The following PCDHGA6 variants were observed in gnomAD, a reference collection of about 807,000 sequenced individuals.
PCDHGA6 encodes protocadherin gamma subfamily A, 6.
Under a neutral mutation model 60.6 loss-of-function variants are expected in PCDHGA6, and 41 were observed. The observed-to-expected ratio is 0.68, with a 90% confidence interval of 0.53 to 0.88. The LOEUF (loss-of-function observed/expected upper bound fraction) is 0.88, where lower values mean the gene tolerates loss of function less well. Ranked by LOEUF, PCDHGA6 falls within the 40% of genes least tolerant of loss-of-function variation. The probability of loss-of-function intolerance (pLI) is 0.00; values close to 1 mark genes in which losing one functional copy is unlikely to be tolerated. For missense variants in PCDHGA6, 1,312 were observed against 1,203.0 expected, an observed-to-expected ratio of 1.09 and a Z score of -1.34; for synonymous variants, 594 against 524.4, an observed-to-expected ratio of 1.13 and a Z score of -1.81.
At chr5:141,455,186 C>T (rs1436215310) in intron 1 of PCDHGA6, among the ~76,000 whole-genome samples, 3 of 151,542 alleles carry the variant, frequency 2.0e-5, no homozygotes, top group Non-Finnish European at 2.9e-5. Context: ...TTTTATTTCT[C>T]TACAAATTTA....
chr5:141,494,712 C>T, intron 1 of PCDHGA6, 95 bp from the exon 2 acceptor site: 1 of 1,603,048 alleles, frequency 6.2e-7, no homozygotes, highest in Non-Finnish European at 8.5e-7. Context: ...TCTGTGCCCA[C>T]TCCCCTCCTT....
Position 141,477,876 on chromosome 5 carries a change from G to A in PCDHGA6, c.2425-16931G>A, listed in dbSNP as rs1412801533. The A allele has an allele frequency of 4.3e-6, 7 of 1,614,144 alleles. No individual in the cohort carries two copies. Among genetic ancestry groups the A allele is most frequent in the Non-Finnish European group, 5.9e-6 (7 of 1,180,030 alleles). ...ATGCTGCCTCGAGGTACCTCAGCTG[G>A]CCACCTAGTGTCACGGGTGGTAGGC... On this transcript the variant is annotated intron_variant, in intron 1 of 3. Coordinates refer to ENST00000517434, the MANE Select transcript of PCDHGA6 (RefSeq NM_018919.3). The surrounding 1 kb of genome is among the most constrained non-coding windows in gnomAD (Gnocchi z 4.9).
In PCDHGA6 at chr5:141,482,843, G is replaced by T. The variant is rs1005014887; in HGVS notation, c.2425-11964G>T. On this transcript the variant is annotated intron_variant, in intron 1 of 3. Transcript: ENST00000517434. ...TCCTAGCACTTTGGGAGGCCAAGGT[G>T]GGCAGATCACTTGAGGTCAGGAGTT... Among the ~76,000 whole-genome samples the T allele has an allele frequency of 4.3e-5, 6 of 140,152 alleles. No homozygotes were observed. The South Asian group carries it at 8.6e-4, about 20-fold the overall frequency. 91.9% of individuals were successfully genotyped at this position (140,152 alleles called of 152,430 possible).
rs757065593 is a variant in PCDHGA6, at chr5:141,418,576, C to G, written c.2424+42069C>G. 1.5e-5 allele frequency: 25 copies of G among 1,614,012 alleles called. No homozygotes were observed. In the South Asian group the frequency reaches 2.7e-4, roughly 18 times the overall value. On this transcript the variant is annotated intron_variant, in intron 1 of 3. Transcript: ENST00000517434. ...TGGTAATAGATGCCAATGACAACCCCCCAGTGTTCAGCCAGGACGTGTACA... is the reference window on the plus strand; with the variant it reads ...TGGTAATAGATGCCAATGACAACCCGCCAGTGTTCAGCCAGGACGTGTACA...
At chr5:141,426,015 T>G (rs1168777347) in intron 1 of PCDHGA6, among the ~76,000 whole-genome samples, 3 of 152,200 alleles carry the variant, frequency 2.0e-5, no homozygotes, top group African/African-American at 7.2e-5. Flanking sequence ...GGCTGCAGTT[T>G]TCTAAATAGA....
At position 141,418,763 on chromosome 5, in the gene PCDHGA6, C is replaced by G. The variant is rs914122527; in HGVS notation, c.2424+42256C>G. The stretch of plus-strand genomic sequence containing the variant: ...TCTGGATTACACTACAGGAAACATT[C>G]TAACTCAGCAGCCTTTGGATTTTGA... On this transcript the variant is annotated intron_variant, in intron 1 of 3. Coordinates refer to ENST00000517434, the MANE Select transcript of PCDHGA6 (RefSeq NM_018919.3). 5 of 1,613,728 alleles carry G rather than the reference C, an allele frequency of 3.1e-6. No homozygotes were observed. The Admixed American group carries it at 5.0e-5, about 16-fold the overall frequency.
At chr5:141,419,017 A>G (rs1478763916) in intron 1 of PCDHGA6, 4 of 1,613,928 alleles carry the variant, frequency 2.5e-6, no homozygotes, top group Non-Finnish European at 3.4e-6. Flanking sequence ...GGTGTAGCTT[A>G]AGTAGAGGTG....
chr5:141,485,561 G>A lies in PCDHGA6; in HGVS notation c.2425-9246G>A. 1.9e-6 allele frequency: 3 copies of A among 1,613,008 alleles called. No homozygotes were observed. The highest frequency in any genetic ancestry group is 1.1e-5 in the South Asian group (1 of 91,026). ...AGAGATCGTAGATGTGAATGATCACGCCCCCCGTTTTCCGCGGCAGCAGCT... is the reference window on the plus strand; with the variant it reads ...AGAGATCGTAGATGTGAATGATCACACCCCCCGTTTTCCGCGGCAGCAGCT... On this transcript the variant is annotated intron_variant, in intron 1 of 3. Transcript: ENST00000517434. The surrounding 1 kb of genome is among the most constrained non-coding windows in gnomAD (Gnocchi z 5.7).
intron 1 of PCDHGA6, among the ~76,000 whole-genome samples, chr5:141,469,821 G>A (rs2099212107): frequency 6.6e-6 from 1 of 152,028 alleles, no homozygotes; most frequent in Admixed American, 6.6e-5. Flanking sequence ...TAGAATGGAG[G>A]TCACATAAAA....
chr5:141,502,373 C>A (rs2099813965), intron 2 of PCDHGA6, among the ~76,000 whole-genome samples: 1 of 151,806 alleles, frequency 6.6e-6, no homozygotes, highest in African/African-American at 2.4e-5. Context: ...TTAAAGAGTC[C>A]AGGCCAGTTG....
chr5:141,428,173 C>G, intron 1 of PCDHGA6: 1 of 1,514,730 alleles, frequency 6.6e-7, no homozygotes. Context: ...CTGTGCGTGA[C>G]GGAGGACAGC....
intron 1 of PCDHGA6, chr5:141,389,259 G>C (rs374136353): frequency 6.2e-7 from 1 of 1,613,888 alleles, no homozygotes; most frequent in Non-Finnish European, 8.5e-7. Flanking sequence ...TATAGTCCAC[G>C]TGGCCGAGAA....
At chr5:141,427,922 G>T (rs949317839) in intron 1 of PCDHGA6, 2 of 1,580,624 alleles carry the variant, frequency 1.3e-6, no homozygotes, top group African/African-American at 1.3e-5. Context: ...ACATGAGCCG[G>T]CGCATGTTGG....
chr5:141,461,303 G>T (rs1390421489), intron 1 of PCDHGA6, among the ~76,000 whole-genome samples: 2 of 152,074 alleles, frequency 1.3e-5, no homozygotes, highest in Non-Finnish European at 2.9e-5. Flanking sequence ...AACATCTATT[G>T]TTTTTTGACT....
At chr5:141,380,410 C>T (rs1776475585) in intron 1 of PCDHGA6, among the ~76,000 whole-genome samples, 1 of 151,998 alleles carries the variant, frequency 6.6e-6, no homozygotes, top group Non-Finnish European at 1.5e-5. Flanking sequence ...AATTCGATGC[C>T]CAGGAAGCCA....
At chr5:141,427,422 G>C (rs922637577) in intron 1 of PCDHGA6, 1 of 468,292 alleles carries the variant, frequency 2.1e-6, no homozygotes, top group Non-Finnish European at 4.3e-6. Context: ...AAATGGGGAG[G>C]TTACATGCCT....
At position 141,487,603 on chromosome 5, in the gene PCDHGA6, C is replaced by T; in HGVS notation, c.2425-7204C>T. The stretch of plus-strand genomic sequence containing the variant: ...CAAGCTGCCCACCCTCTGATCTTCT[C>T]TATGGGCTAGAGGTGAGACCTTTGC... On this transcript the variant is annotated intron_variant, in intron 1 of 3. Transcript: ENST00000517434. This position sits in a 1 kb window ranked among gnomAD's most constrained non-coding sequence, Gnocchi z 5.0. 1.2e-6 allele frequency: 2 copies of T among 1,614,214 alleles called. No individual in the cohort carries two copies. Among genetic ancestry groups the T allele is most frequent in the Non-Finnish European group, 1.7e-6 (2 of 1,180,042 alleles).
chr5:141,415,730 G>A lies in PCDHGA6; in HGVS notation c.2424+39223G>A. On this transcript the variant is annotated intron_variant, in intron 1 of 3. Transcript: ENST00000517434. Reference sequence around the variant, plus strand: ...AAAACACTGATGAGTAGAATTTGATGTTTATTAAGGTTTTTTTTTTTTTTT... The same window carrying A: ...AAAACACTGATGAGTAGAATTTGATATTTATTAAGGTTTTTTTTTTTTTTT... 4 of 476,826 alleles carry A rather than the reference G, an allele frequency of 8.4e-6. No individual in the cohort carries two copies. The South Asian group carries it at 2.0e-4, about 24-fold the overall frequency. The allele number at this position is 476,826 out of a possible 1,614,324, so 29.5% of individuals were successfully genotyped here. A position where few individuals can be genotyped will look rare whatever the true frequency, so the allele number is the denominator to read the frequency against.
intron 3 of PCDHGA6, among the ~76,000 whole-genome samples, chr5:141,510,227 C>T (rs1010123412): frequency 1.3e-5 from 2 of 150,454 alleles, no homozygotes; most frequent in African/African-American, 2.5e-5. Context: ...GAGCCGGGAT[C>T]GCGCCACTGC....
Sources: allele counts gnomAD v4.1 joint callset (sites outside exome capture counted in the v4.1 genomes callset), GRCh38; gene constraint gnomAD v4.1.1; non-coding constraint Gnocchi (gnomAD v3.1); transcripts MANE v1.5; gene names NCBI Gene and HGNC (gene_info 2026-07-23, HGNC 2026-07-21).